Variants in OPRM1 observed in about 807,000 individuals in gnomAD.
OPRM1 encodes opioid receptor mu 1, also known as mu-type opioid receptor.
OPRM1 carries 27 observed loss-of-function variants against 31.8 expected under a neutral mutation model. The ratio of observed to expected loss-of-function variants is 0.85; its 90% CI spans 0.63 to 1.17. OPRM1 has a LOEUF of 1.17. Ranked by LOEUF, OPRM1 falls within the 50% of genes most tolerant of loss-of-function variation. The pLI is 0.00. For missense variants in OPRM1, 536 were observed against 511.1 expected (o/e 1.05, Z -0.47); for synonymous variants, 196 against 189.9 (o/e 1.03, Z -0.26).
At chr6:154,180,120 C>A (rs1044751719) in intron 3 of OPRM1, among the ~76,000 whole-genome samples, 9 of 152,042 alleles carry the variant, frequency 5.9e-5, no homozygotes, top group African/African-American at 2.2e-4. Flanking sequence ...AACTGAAAAA[C>A]CAAAACAAGA....
At chr6:154,154,720 T>TA (rs1381274031) in intron 3 of OPRM1, 4 of 152,408 alleles carry the variant, frequency 2.6e-5, no homozygotes, top group Non-Finnish European at 5.9e-5. Context: ...CCTAGATATA[T>TA]TTTTTTCTTA....
intron 3 of OPRM1, among the ~76,000 whole-genome samples, chr6:154,141,190 A>G (rs1798197654): frequency 6.6e-6 from 1 of 152,230 alleles, no homozygotes; most frequent in African/African-American, 2.4e-5. Context: ...AAAAGAGATA[A>G]TGGACACAAA....
chr6:154,184,737 A>G (rs1283748659), intron 3 of OPRM1, among the ~76,000 whole-genome samples: 1 of 149,858 alleles, frequency 6.7e-6, no homozygotes, highest in Non-Finnish European at 1.5e-5. Context: ...CATTGGGAAA[A>G]TGCTGGTAAA....
At chr6:154,246,126 GGAA>G (rs1781023101) in intron 3 of OPRM1, among the ~76,000 whole-genome samples, 1 of 152,092 alleles carries the variant, frequency 6.6e-6, no homozygotes, top group African/African-American at 2.4e-5. Context: ...GGAAAGAAGG[GGAA>G]GAAGAAAGTA....
At chr6:154,203,255 C>T (rs1002682217) in intron 3 of OPRM1, among the ~76,000 whole-genome samples, 1 of 152,128 alleles carries the variant, frequency 6.6e-6, no homozygotes, top group Non-Finnish European at 1.5e-5. Flanking sequence ...GCCCAACCTT[C>T]GTGTGTCTGT....
At chr6:154,088,558 A>G (rs1445146037) in intron 1 of OPRM1, among the ~76,000 whole-genome samples, 1 of 152,210 alleles carries the variant, frequency 6.6e-6, no homozygotes, top group Non-Finnish European at 1.5e-5. Context: ...TATTTATAAA[A>G]CAGGCAACGG....
chr6:154,225,489 C>T (rs917039504), intron 3 of OPRM1, among the ~76,000 whole-genome samples: 1 of 152,172 alleles, frequency 6.6e-6, no homozygotes, highest in African/African-American at 2.4e-5. Flanking sequence ...AAACCAGACA[C>T]AAAAGCTCAT....
intron 3 of OPRM1, among the ~76,000 whole-genome samples, chr6:154,238,497 C>T (rs1780320719): frequency 6.6e-6 from 1 of 152,126 alleles, no homozygotes; most frequent in African/African-American, 2.4e-5. Flanking sequence ...AACTCCCGAC[C>T]TCAGGTGATC....
At chr6:154,010,575 A>G (rs986709713) in exon 1 of OPRM1, 22 of 1,544,684 alleles carry the variant, frequency 1.4e-5, no homozygotes, top group Non-Finnish European at 1.8e-5. Context: ...TTTGGAAGAA[A>G]ATACTCCTCT....
rs78870289 is a variant in OPRM1 at position 154,016,396 on chromosome 6, G to A, written c.-1+5378G>A. 3.9e-5 allele frequency among the ~76,000 whole-genome samples: 6 copies of A among 152,084 alleles called. No homozygotes were observed. The East Asian group carries it at 1.2e-3, about 29-fold the overall frequency. ...AGTAGGGAGGAGATAAAATTGTGTA[G>A]TGTGACAACAATTACCTAAGGATAG... On this transcript the variant is annotated intron_variant, in intron 1 of 5. Coordinates refer to the OPRM1 transcript ENST00000434900.
intron 1 of OPRM1, among the ~76,000 whole-genome samples, chr6:154,047,843 A>G (rs148606415): frequency 1.3e-5 from 2 of 152,310 alleles, no homozygotes; most frequent in Non-Finnish European, 2.9e-5. Context: ...CAAACTACAG[A>G]AATTTACTCT....
rs752184660 is a variant in OPRM1 at position 154,168,092 on chromosome 6, T to A, written c.1164+76620T>A. ...TTTGTACAGCTTCTCCATTTCATCA[T>A]CTTCAGACACTTTTGTCTCTTCTAT... On this transcript the variant is annotated intron_variant, in intron 3 of 3. Coordinates refer to the OPRM1 transcript ENST00000337049. The surrounding 1 kb of genome is among the most constrained non-coding windows in gnomAD (Gnocchi z 4.1). 9.0e-6 allele frequency: 14 copies of A among 1,556,462 alleles called. No homozygotes were observed. The East Asian group carries it at 2.5e-4, about 28-fold the overall frequency.
chr6:154,099,001 C>G (rs1372876948), intron 3 of OPRM1, among the ~76,000 whole-genome samples: 2 of 151,992 alleles, frequency 1.3e-5, no homozygotes, highest in Non-Finnish European at 2.9e-5. Flanking sequence ...AGAGCCAGAC[C>G]AGGTGCAGTG....
intron 1 of OPRM1, among the ~76,000 whole-genome samples, chr6:154,030,873 C>T (rs965087261): frequency 6.6e-6 from 1 of 152,164 alleles, no homozygotes; most frequent in African/African-American, 2.4e-5. Context: ...ACATGGACTG[C>T]TTTCATTGTT....
At chr6:154,220,176 T>C (rs1342838987) in intron 3 of OPRM1, among the ~76,000 whole-genome samples, 1 of 152,184 alleles carries the variant, frequency 6.6e-6, no homozygotes, top group Non-Finnish European at 1.5e-5. Flanking sequence ...GGAGGAATTA[T>C]GTGTGGGTTT....
intron 3 of OPRM1, among the ~76,000 whole-genome samples, chr6:154,147,256 A>G (rs959382935): frequency 6.6e-6 from 1 of 152,150 alleles, no homozygotes; most frequent in African/African-American, 2.4e-5. Context: ...AGTGGAGTCC[A>G]TCTCTTCTCT....
In OPRM1 at chr6:154,085,436, G is replaced by C. The variant is rs1790307425; in HGVS notation, c.291-4390G>C. Reference sequence around the variant, plus strand: ...ATTCATTTGAATTCATAAAACAAAAGAGCTATTTAATCATCTAGACCAAAG... The same window carrying C: ...ATTCATTTGAATTCATAAAACAAAACAGCTATTTAATCATCTAGACCAAAG... On this transcript the variant is annotated intron_variant, in intron 1 of 3. Transcript: ENST00000330432. Among the ~76,000 whole-genome samples the C allele has an allele frequency of 2.0e-5, 3 of 152,126 alleles. No individual in the cohort carries two copies. In the South Asian group the frequency reaches 6.2e-4, roughly 31 times the overall value.
At chr6:154,027,353 G>C (rs7751510) in intron 1 of OPRM1, among the ~76,000 whole-genome samples, 13,656 of 152,158 alleles carry the variant, frequency 0.09, 1,100 homozygotes, top group African/African-American at 0.21. Flanking sequence ...TGTTCTGAGC[G>C]ATGTGGAGCT....
intron 3 of OPRM1, among the ~76,000 whole-genome samples, chr6:154,105,750 T>G (rs2128509177): frequency 6.6e-6 from 1 of 152,356 alleles, no homozygotes; most frequent in Non-Finnish European, 1.5e-5. Context: ...GTAACACATT[T>G]ATGCAAATAT....
Sources: gnomAD v4.1 joint callset for allele counts (sites outside exome capture counted in the v4.1 genomes callset) on GRCh38, gnomAD v4.1.1 for gene constraint, Gnocchi (gnomAD v3.1) non-coding constraint, MANE v1.5 for transcripts, NCBI Gene and HGNC (gene_info 2026-07-23, HGNC 2026-07-21) for gene names.